PLCB1: variants seen among roughly 807,000 people sequenced by gnomAD.
PLCB1 encodes phospholipase C beta 1.
PLCB1 carries 46 observed loss-of-function variants against 161.8 expected under a neutral mutation model. That is an observed-to-expected ratio of 0.28 (90% CI 0.22 to 0.36). The LOEUF (loss-of-function observed/expected upper bound fraction) is 0.36. Ranked by LOEUF, PLCB1 falls within the 10% of genes least tolerant of loss-of-function variation. The pLI is 1.00. For missense variants in PLCB1, 1,016 were observed against 1,472.5 expected (o/e 0.69, Z 5.07); for synonymous variants, 517 against 503.7 (o/e 1.03, Z -0.35).
At chr20:8,635,972 C>A (rs1007093403) in intron 4 of PLCB1, among the ~76,000 whole-genome samples, 1 of 152,060 alleles carries the variant, frequency 6.6e-6, no homozygotes, top group Non-Finnish European at 1.5e-5. Context: ...GAAACACTTG[C>A]GTATATTCTG....
chr20:8,559,506 A>G (rs934653256), intron 3 of PLCB1, among the ~76,000 whole-genome samples: 3 of 151,990 alleles, frequency 2.0e-5, no homozygotes, highest in African/African-American at 7.2e-5. Context: ...AAACTCTCCA[A>G]TTAAAAACAG....
At position 8,739,287 on chromosome 20, in the gene PLCB1, G is replaced by A. The variant is rs587780416; in HGVS notation, c.2235G>A (p.Leu745=). The change falls in exon 21 of 32, where the codon TTG becomes TTA. Residue 745 remains leucine (L), a synonymous_variant. Transcript: ENST00000338037. Reference sequence around the variant, plus strand: ...TGGTTCTTCCTACTCTGGCCTGTTTGAGAATAGCAGTTTATGAAGAAGGAG... The same window carrying A: ...TGGTTCTTCCTACTCTGGCCTGTTTAAGAATAGCAGTTTATGAAGAAGGAG... The part of the protein sequence containing the change: ...KKVVLPTLAC[L]RIAVYEEGGK... 3 of 1,613,482 alleles carry A rather than the reference G, an allele frequency of 1.9e-6. No homozygotes were observed. The highest frequency in any genetic ancestry group is 2.5e-6 in the Non-Finnish European group (3 of 1,179,472).
intron 3 of PLCB1, among the ~76,000 whole-genome samples, chr20:8,592,068 T>C (rs1204636007): frequency 6.6e-6 from 1 of 152,210 alleles, no homozygotes; most frequent in African/African-American, 2.4e-5. Flanking sequence ...TTATACACTA[T>C]TTTAAATAGT....
chr20:8,251,335 G>A (rs575940356), intron 2 of PLCB1, among the ~76,000 whole-genome samples: 4 of 152,048 alleles, frequency 2.6e-5, no homozygotes, highest in African/African-American at 7.2e-5. Flanking sequence ...GGCCAAGAAC[G>A]GTGCAGTCCT....
At chr20:8,466,795 A>G (rs1470200928) in intron 3 of PLCB1, among the ~76,000 whole-genome samples, 1 of 152,126 alleles carries the variant, frequency 6.6e-6, no homozygotes, top group African/African-American at 2.4e-5. Context: ...TCATGCATAC[A>G]TTTGGCCATC....
chr20:8,212,202 C>G (rs1978860618), intron 2 of PLCB1, among the ~76,000 whole-genome samples: 1 of 152,040 alleles, frequency 6.6e-6, no homozygotes, highest in African/African-American at 2.4e-5. Context: ...AAGGGTGATT[C>G]ATTAGTGGTA....
At chr20:8,685,628 T>G (rs1990343159) in intron 10 of PLCB1, among the ~76,000 whole-genome samples, 1 of 149,974 alleles carries the variant, frequency 6.7e-6, no homozygotes, top group African/African-American at 2.5e-5. Flanking sequence ...ACCCAGCTAC[T>G]TGGGAGGCTG....
At chr20:8,416,915 T>G (rs1420400621) in intron 3 of PLCB1, among the ~76,000 whole-genome samples, 1 of 127,794 alleles carries the variant, frequency 7.8e-6, no homozygotes, top group African/African-American at 3.1e-5. Context: ...TCTTTTACAG[T>G]TGAAGAGACA....
intron 9 of PLCB1, among the ~76,000 whole-genome samples, chr20:8,679,402 G>C (rs1990162152): frequency 6.6e-6 from 1 of 152,106 alleles, no homozygotes; most frequent in South Asian, 2.1e-4. Flanking sequence ...ATTCTTAATT[G>C]TTGCAAGGCC....
chr20:8,407,397 A>G (rs1008883218), intron 3 of PLCB1, among the ~76,000 whole-genome samples: 3 of 152,224 alleles, frequency 2.0e-5, no homozygotes, highest in African/African-American at 4.8e-5. Flanking sequence ...GCTGATAAAG[A>G]CACACCCAAA....
chr20:8,488,834 A>G (rs1284959752), intron 3 of PLCB1, among the ~76,000 whole-genome samples: 1 of 152,222 alleles, frequency 6.6e-6, no homozygotes, highest in Non-Finnish European at 1.5e-5. Context: ...AGAGGAATTC[A>G]TTGAATCCAC....
At chr20:8,171,632 G>T (rs1276874180) in intron 2 of PLCB1, among the ~76,000 whole-genome samples, 1 of 152,120 alleles carries the variant, frequency 6.6e-6, no homozygotes, top group Non-Finnish European at 1.5e-5. Context: ...TTGTGTTAGG[G>T]ATTACATGAA....
At chr20:8,628,545 C>T in intron 4 of PLCB1, 114 bp downstream of exon 4, 1 of 1,082,300 alleles carries the variant, frequency 9.2e-7, no homozygotes, top group South Asian at 1.5e-5. Context: ...GTTAAAATTT[C>T]ACCTAAAAAT....
At chr20:8,663,253 GAC>G (rs951511488) in intron 9 of PLCB1, among the ~76,000 whole-genome samples, 4 of 151,558 alleles carry the variant, frequency 2.6e-5, no homozygotes, top group South Asian at 4.2e-4. Context: ...CATACACAGA[GAC>G]ACACACACAG....
intron 4 of PLCB1, among the ~76,000 whole-genome samples, chr20:8,644,825 T>C (rs1600222210): frequency 6.6e-6 from 1 of 151,624 alleles, no homozygotes; most frequent in African/African-American, 2.4e-5. Context: ...GTCTGGGAGG[T>C]GTACCCAACA....
Position 8,427,189 on chromosome 20 carries a change from G to A in PLCB1, c.246+55739G>A, listed in dbSNP as rs186013872. Among the ~76,000 whole-genome samples the A allele has an allele frequency of 6.6e-5, 10 of 152,214 alleles. No homozygotes were observed. In the South Asian group the frequency reaches 8.3e-4, roughly 13 times the overall value. On this transcript the variant is annotated intron_variant, in intron 3 of 31. Transcript: ENST00000338037. ...GCCTCCCAAAGTGCTGAGATTACAC[G>A]CATGAGCCACTGTGCCCAGCCAGAA...
intron 3 of PLCB1, among the ~76,000 whole-genome samples, chr20:8,423,858 T>C (rs1460441729): frequency 6.6e-6 from 1 of 152,196 alleles, no homozygotes; most frequent in African/African-American, 2.4e-5. Flanking sequence ...CACACTCATC[T>C]ATGCATCGCT....
intron 2 of PLCB1, among the ~76,000 whole-genome samples, chr20:8,325,057 CA>C (rs1272494417): frequency 3.3e-5 from 5 of 152,148 alleles, no homozygotes; most frequent in African/African-American, 1.2e-4. Flanking sequence ...AAGTTTTATT[CA>C]TGTAATAATC....
At chr20:8,867,053 G>T (rs185186624) in intron 31 of PLCB1, among the ~76,000 whole-genome samples, 7 of 152,232 alleles carry the variant, frequency 4.6e-5, no homozygotes, top group Non-Finnish European at 5.9e-5. Context: ...TTAGGTGATC[G>T]GGAGAAGGAT....
Sources: allele counts gnomAD v4.1 joint callset (sites outside exome capture counted in the v4.1 genomes callset), GRCh38; gene constraint gnomAD v4.1.1; transcripts MANE v1.5; gene names NCBI Gene and HGNC (gene_info 2026-07-23, HGNC 2026-07-21).